The following PCDHGA1 variants were observed in gnomAD, a reference collection of about 807,000 sequenced individuals.
The protein encoded by PCDHGA1 is protocadherin gamma-A1.
A neutral mutation model predicts 58.0 loss-of-function variants in PCDHGA1; 32 were observed. That is an observed-to-expected ratio of 0.55 (90% CI 0.42 to 0.74). The LOEUF (loss-of-function observed/expected upper bound fraction) is 0.74. Ranked by LOEUF, PCDHGA1 falls within the 30% of genes least tolerant of loss-of-function variation. PCDHGA1 has a pLI of 0.00. For synonymous variants in PCDHGA1, 498 were observed against 501.1 expected (o/e 0.99, Z 0.08); for missense variants, 1,205 against 1,182.3 (o/e 1.02, Z -0.28).
At chr5:141,361,587 T>A in intron 1 of PCDHGA1, 1 of 1,614,028 alleles carries the variant, frequency 6.2e-7, no homozygotes, top group Non-Finnish European at 8.5e-7. Context: ...TGGGCCCCAG[T>A]GGCCAAGTTT....
rs1168799961 is a variant in PCDHGA1, at chr5:141,487,844, A to G, written c.2422-6963A>G. ...CGGGTCATGCCTATATCTGAGTAAG[A>G]AATGAAAGTAATTGGTGATCAAGAG... On this transcript the variant is annotated intron_variant, in intron 1 of 3. Coordinates refer to ENST00000517417, the MANE Select transcript of PCDHGA1 (RefSeq NM_018912.3). The surrounding 1 kb of genome is among the most constrained non-coding windows in gnomAD (Gnocchi z 5.0). 2 of 1,043,076 alleles carry G rather than the reference A, an allele frequency of 1.9e-6. No homozygotes were observed. Among genetic ancestry groups the G allele is most frequent in the Non-Finnish European group, 2.7e-6 (2 of 730,916 alleles). The allele number at this position is 1,043,076 out of a possible 1,614,324, so 64.6% of individuals were successfully genotyped here.
At chr5:141,395,207 T>C (rs1589256269) in intron 1 of PCDHGA1, 6 of 1,613,702 alleles carry the variant, frequency 3.7e-6, no homozygotes, top group Non-Finnish European at 5.1e-6. Context: ...TAGATTTTCA[T>C]GAATATAAGA....
intron 1 of PCDHGA1, among the ~76,000 whole-genome samples, chr5:141,380,010 C>T (rs1404064282): frequency 6.7e-6 from 1 of 148,282 alleles, no homozygotes; most frequent in Admixed American, 6.9e-5. Flanking sequence ...AGCGATTCTC[C>T]TGCCTCAGCC....
chr5:141,430,832 G>A (rs1398773861), intron 1 of PCDHGA1: 1 of 1,555,686 alleles, frequency 6.4e-7, no homozygotes, highest in South Asian at 1.3e-5. Flanking sequence ...GACTCTGTGG[G>A]AGACCGGATG....
chr5:141,405,758 G>A (rs533667979), intron 1 of PCDHGA1, among the ~76,000 whole-genome samples: 8 of 152,246 alleles, frequency 5.3e-5, no homozygotes, highest in South Asian at 2.1e-4. Context: ...GATTACAGGC[G>A]TGAGCCACTG....
At chr5:141,372,877 A>C (rs778363950) in intron 1 of PCDHGA1, 1 of 1,270,298 alleles carries the variant, frequency 7.9e-7, no homozygotes, top group South Asian at 1.5e-5. Context: ...TAGAGATAAA[A>C]AGAATACAGA....
At chr5:141,346,654 G>A (rs1757787682) in intron 1 of PCDHGA1, 15 of 777,668 alleles carry the variant, frequency 1.9e-5, no homozygotes, top group Non-Finnish European at 2.8e-5. Context: ...TGGGCTTAGG[G>A]AAAAAATAAT....
At chr5:141,359,614 T>C (rs76024050) in intron 1 of PCDHGA1, among the ~76,000 whole-genome samples, 89 of 151,982 alleles carry the variant, frequency 5.9e-4, no homozygotes, top group African/African-American at 2.0e-3. Context: ...CAGAATATGG[T>C]ATGTTGTATG....
At chr5:141,357,005 C>T in intron 1 of PCDHGA1, 1 of 1,614,148 alleles carries the variant, frequency 6.2e-7, no homozygotes, top group Non-Finnish European at 8.5e-7. Flanking sequence ...GGTCAGAATG[C>T]CTGGCTGTCC....
At chr5:141,403,172 C>T in intron 1 of PCDHGA1, 1 of 1,614,018 alleles carries the variant, frequency 6.2e-7, no homozygotes, top group Non-Finnish European at 8.5e-7. Context: ...TAGGACGCAG[C>T]TTTTCTCTCT....
intron 1 of PCDHGA1, chr5:141,395,264 A>T: frequency 1.3e-6 from 2 of 1,549,832 alleles, no homozygotes; most frequent in Non-Finnish European, 1.7e-6. Flanking sequence ...GCTTGCTTTT[A>T]ATTTCCAGAT....
At chr5:141,362,516 G>C (rs1284442105) in intron 1 of PCDHGA1, 1 of 1,613,984 alleles carries the variant, frequency 6.2e-7, no homozygotes, top group Admixed American at 1.7e-5. Flanking sequence ...ACAAATCATG[G>C]AGCCGCTGGG....
intron 1 of PCDHGA1, chr5:141,375,005 G>A (rs757710290): frequency 1.2e-6 from 2 of 1,613,892 alleles, no homozygotes; most frequent in African/African-American, 2.7e-5. Context: ...TGCAAATCTA[G>A]ACTATGAGGA....
intron 1 of PCDHGA1, among the ~76,000 whole-genome samples, chr5:141,456,059 G>A (rs1200043527): frequency 1.3e-5 from 2 of 151,662 alleles, no homozygotes; most frequent in Non-Finnish European, 1.5e-5. Flanking sequence ...CACCACGTCC[G>A]GCTAATTTTT....
In PCDHGA1 at chr5:141,487,192, C is replaced by T. The variant is rs2099641028; in HGVS notation, c.2422-7615C>T. ...TAGAGGAAGACACTCATCCAGTTGT[C>T]CCAGATCTTCGAGAATCTTCAGCTC... On this transcript the variant is annotated intron_variant, in intron 1 of 3. Transcript: ENST00000517417. This position sits in a 1 kb window ranked among gnomAD's most constrained non-coding sequence, Gnocchi z 5.0. 15 of 1,613,748 alleles carry T rather than the reference C, an allele frequency of 9.3e-6. No individual in the cohort carries two copies. Among genetic ancestry groups the T allele is most frequent in the African/African-American group, 1.3e-5 (1 of 75,040 alleles).
intron 1 of PCDHGA1, chr5:141,400,635 TG>T: frequency 7.3e-7 from 1 of 1,373,110 alleles, no homozygotes; most frequent in Non-Finnish European, 1.0e-6. Flanking sequence ...AAGTCAGAGC[TG>T]CTCAGAAAGC....
intron 1 of PCDHGA1, chr5:141,388,381 C>T (rs370363580): frequency 1.9e-6 from 3 of 1,613,888 alleles, no homozygotes; most frequent in African/African-American, 2.7e-5. Flanking sequence ...GGTAGCAACA[C>T]ACTGCAGAAT....
At position 141,477,020 on chromosome 5, in the gene PCDHGA1, G is replaced by A; in HGVS notation, c.2422-17787G>A. The A allele has an allele frequency of 6.2e-7, 1 of 1,614,224 alleles. No individual in the cohort carries two copies. Among genetic ancestry groups the A allele is most frequent in the Non-Finnish European group, 8.5e-7 (1 of 1,180,048 alleles). ...ACTATTCGCCTTAGACCTTGTAACC[G>A]GGATGCTGACAATCAAGGGTCGGCT... On this transcript the variant is annotated intron_variant, in intron 1 of 3. Transcript: ENST00000517417. This position sits in a 1 kb window ranked among gnomAD's most constrained non-coding sequence, Gnocchi z 4.9.
At position 141,331,964 on chromosome 5, in the gene PCDHGA1, A is replaced by G; in HGVS notation, c.1280A>G (p.Gln427Arg). The change falls in exon 1 of 4, where the codon CAA (glutamine) becomes CGA (arginine). Residue 427 changes from glutamine (Q) to arginine (R), a missense_variant. Gln to Arg is a conservative substitution (Grantham distance 43). Coordinates refer to ENST00000517417, the MANE Select transcript of PCDHGA1 (RefSeq NM_018912.3). Reference sequence around the variant, plus strand: ...AACATCACAATAACAGCAATAGACCAAGGAACTCCAGCTCTATCTACTGAA... The same window carrying G: ...AACATCACAATAACAGCAATAGACCGAGGAACTCCAGCTCTATCTACTGAA... ...GYNITITAID[Q>R]GTPALSTETH... is the part of the protein sequence containing the mutation. The G allele has an allele frequency of 2.5e-6, 4 of 1,614,144 alleles. No individual in the cohort carries two copies. The highest frequency in any genetic ancestry group is 3.4e-6 in the Non-Finnish European group (4 of 1,180,018).
Sources: gnomAD v4.1 joint callset for allele counts (sites outside exome capture counted in the v4.1 genomes callset) on GRCh38, gnomAD v4.1.1 for gene constraint, Gnocchi (gnomAD v3.1) non-coding constraint, MANE v1.5 for transcripts, NCBI Gene and HGNC (gene_info 2026-07-23, HGNC 2026-07-21) for gene names.